The following NRXN3 variants were observed in gnomAD, a reference collection of about 807,000 sequenced individuals.
The protein encoded by NRXN3 is neurexin III.
Under a neutral mutation model 137.6 loss-of-function variants are expected in NRXN3, and 32 were observed. The ratio of observed to expected loss-of-function variants is 0.23; its 90% CI spans 0.18 to 0.31. NRXN3 has a LOEUF of 0.31. Among genes scored for constraint, NRXN3 ranks in the 10% least tolerant of loss-of-function variants. The pLI is 1.00. For missense variants in NRXN3, 1,574 were observed against 2,062.5 expected, an observed-to-expected ratio of 0.76 and a Z score of 4.59; for synonymous variants, 798 against 784.5, an observed-to-expected ratio of 1.02 and a Z score of -0.29.
chr14:79,297,489 CTA>C (rs2084382894), intron 15 of NRXN3, among the ~76,000 whole-genome samples: 1 of 152,102 alleles, frequency 6.6e-6, no homozygotes, highest in Admixed American at 6.6e-5. Flanking sequence ...TCATCAGAGA[CTA>C]TATCTGTTTT....
At chr14:79,373,310 G>A (rs2094164965) in intron 15 of NRXN3, among the ~76,000 whole-genome samples, 1 of 152,032 alleles carries the variant, frequency 6.6e-6, no homozygotes, top group African/African-American at 2.4e-5. Flanking sequence ...TTCCAATTAT[G>A]TTCTGGGGGG....
At chr14:79,261,601 C>CCGTGTGTG (rs35393194) in intron 15 of NRXN3, among the ~76,000 whole-genome samples, 2 of 59,180 alleles carry the variant, frequency 3.4e-5, no homozygotes, top group African/African-American at 1.4e-4. Flanking sequence ...AAGAAAGGTG[C>CCGTGTGTG]TGTGTGTGTG....
At chr14:79,667,465 A>C (rs1435383958) in intron 17 of NRXN3, among the ~76,000 whole-genome samples, 2 of 152,062 alleles carry the variant, frequency 1.3e-5, no homozygotes, top group African/African-American at 2.4e-5. Flanking sequence ...CAGTCTTCTC[A>C]TGGGCATTTA....
chr14:79,629,387 G>T (rs974221760), intron 16 of NRXN3, among the ~76,000 whole-genome samples: 1 of 152,066 alleles, frequency 6.6e-6, no homozygotes, highest in Non-Finnish European at 1.5e-5. Flanking sequence ...CTTCCTCCTG[G>T]ATCTGAAACA....
chr14:78,420,524 C>T (rs2093397718), intron 4 of NRXN3, among the ~76,000 whole-genome samples: 1 of 152,168 alleles, frequency 6.6e-6, no homozygotes, highest in Non-Finnish European at 1.5e-5. Context: ...CATTTACACT[C>T]CTCACCTTTC....
At chr14:78,575,034 T>TA (rs1402785355) in intron 4 of NRXN3, among the ~76,000 whole-genome samples, 1 of 152,174 alleles carries the variant, frequency 6.6e-6, no homozygotes, top group Non-Finnish European at 1.5e-5. Flanking sequence ...GTTTTCATGA[T>TA]AGTGAGTGAG....
intron 20 of NRXN3, among the ~76,000 whole-genome samples, chr14:79,827,303 A>G (rs2099307571): frequency 6.6e-6 from 1 of 152,104 alleles, no homozygotes; most frequent in South Asian, 2.1e-4. Flanking sequence ...AAAAAATGAT[A>G]TTTGAGCAGA....
chr14:78,676,902 A>G (rs560029487), intron 6 of NRXN3, among the ~76,000 whole-genome samples: 1 of 152,288 alleles, frequency 6.6e-6, no homozygotes, highest in Non-Finnish European at 1.5e-5. Flanking sequence ...GTTGAACAAC[A>G]AAGTCTGGAT....
At chr14:79,297,375 A>G (rs1376410431) in intron 15 of NRXN3, among the ~76,000 whole-genome samples, 1 of 152,142 alleles carries the variant, frequency 6.6e-6, no homozygotes, top group African/African-American at 2.4e-5. Flanking sequence ...GGTATGTCCC[A>G]TGCAATATTT....
intron 4 of NRXN3, among the ~76,000 whole-genome samples, chr14:78,423,696 C>A (rs1169679991): frequency 6.6e-6 from 1 of 152,230 alleles, no homozygotes; most frequent in Non-Finnish European, 1.5e-5. Context: ...AGACCCCTTG[C>A]ATGTTCCCTG....
At chr14:79,736,670 C>G (rs2098943030) in intron 19 of NRXN3, among the ~76,000 whole-genome samples, 1 of 152,062 alleles carries the variant, frequency 6.6e-6, no homozygotes, top group African/African-American at 2.4e-5. Flanking sequence ...CTGTGAAGGC[C>G]CCAAGTTCTG....
intron 4 of NRXN3, among the ~76,000 whole-genome samples, chr14:78,554,912 C>G (rs965661645): frequency 6.6e-6 from 1 of 152,098 alleles, no homozygotes; most frequent in African/African-American, 2.4e-5. Flanking sequence ...ATCCACCAAG[C>G]CACCCATTTG....
At chr14:79,614,110 T>C (rs939473239) in intron 16 of NRXN3, among the ~76,000 whole-genome samples, 1 of 152,204 alleles carries the variant, frequency 6.6e-6, no homozygotes, top group African/African-American at 2.4e-5. Context: ...CCTCCAAAAT[T>C]GTCACTCTTA....
chr14:78,249,616 C>T (rs1376123529), intron 2 of NRXN3, among the ~76,000 whole-genome samples: 1 of 152,078 alleles, frequency 6.6e-6, no homozygotes, highest in Non-Finnish European at 1.5e-5. Context: ...GTAAGGGAGG[C>T]TTTAGGGCAG....
At chr14:79,133,370 C>A (rs1214486539) in intron 15 of NRXN3, among the ~76,000 whole-genome samples, 1 of 151,978 alleles carries the variant, frequency 6.6e-6, no homozygotes, top group Non-Finnish European at 1.5e-5. Context: ...CCAGACCAGA[C>A]TGACTTGAGC....
chr14:79,202,013 C>G (rs1392707874), intron 15 of NRXN3, among the ~76,000 whole-genome samples: 1 of 151,968 alleles, frequency 6.6e-6, no homozygotes, highest in African/African-American at 2.4e-5. Context: ...TTAACCATTA[C>G]TGCACCAGAG....
At chr14:79,375,235 G>GTTTTTTTTTT (rs35994648) in intron 15 of NRXN3, among the ~76,000 whole-genome samples, 1 of 129,984 alleles carries the variant, frequency 7.7e-6, no homozygotes, top group Non-Finnish European at 1.6e-5. Flanking sequence ...GAGTTTTTGT[G>GTTTTTTTTTT]TTTTTTTTTT....
chr14:78,928,048 A>G (rs963146491), intron 10 of NRXN3, among the ~76,000 whole-genome samples: 5 of 152,124 alleles, frequency 3.3e-5, no homozygotes, highest in Non-Finnish European at 7.4e-5. Context: ...ATATTCCACA[A>G]TCTCTCAGAG....
intron 19 of NRXN3, among the ~76,000 whole-genome samples, chr14:79,743,577 C>G (rs1244898842): frequency 6.6e-6 from 1 of 152,144 alleles, no homozygotes; most frequent in Non-Finnish European, 1.5e-5. Context: ...ATTTTTAAAA[C>G]ATTCCCCAAG....
Sources: allele counts gnomAD v4.1 joint callset (sites outside exome capture counted in the v4.1 genomes callset), GRCh38; gene constraint gnomAD v4.1.1; transcripts MANE v1.5; gene names NCBI Gene and HGNC (gene_info 2026-07-23, HGNC 2026-07-21).